Variants in ARID5B observed in about 807,000 individuals in gnomAD.
The protein encoded by ARID5B is AT-rich interactive domain-containing protein 5B.
In ARID5B, 13 loss-of-function variants were observed where a neutral mutation model predicts 97.2. That is an observed-to-expected ratio of 0.13 (90% CI 0.09 to 0.21). ARID5B has a LOEUF of 0.21. Ranked by LOEUF, ARID5B falls within the 10% of genes least tolerant of loss-of-function variation. The pLI is 1.00. For synonymous variants in ARID5B, 556 were observed against 570.3 expected (o/e 0.97, Z 0.36); for missense variants, 1,210 against 1,465.3 (o/e 0.83, Z 2.84).
chr10:61,947,261 CTTTT>C (rs199587188), intron 3 of ARID5B, among the ~76,000 whole-genome samples: 14 of 124,264 alleles, frequency 1.1e-4, no homozygotes, highest in South Asian at 3.1e-4. Context: ...CACTTACTTT[CTTTT>C]TTTTTTTTTT....
At chr10:61,943,123 T>G (rs1844441533) in intron 3 of ARID5B, among the ~76,000 whole-genome samples, 1 of 152,190 alleles carries the variant, frequency 6.6e-6, no homozygotes, top group Non-Finnish European at 1.5e-5. Flanking sequence ...AAACAAAAAC[T>G]TTCCTTAATG....
chr10:61,965,256 T>C (rs1034661463), intron 3 of ARID5B, among the ~76,000 whole-genome samples: 8 of 152,214 alleles, frequency 5.3e-5, no homozygotes, highest in African/African-American at 1.4e-4. Flanking sequence ...TTCAGAGTTA[T>C]ATATTTCAAA....
intron 4 of ARID5B, among the ~76,000 whole-genome samples, chr10:62,028,908 G>A (rs1315322011): frequency 2.0e-5 from 3 of 147,374 alleles, no homozygotes; most frequent in Non-Finnish European, 4.4e-5. Context: ...AGTGAGCTGA[G>A]ATCACGCCAC....
chr10:62,092,608 C>A lies in ARID5B; in HGVS notation c.3145C>A (p.Gln1049Lys). The A allele has an allele frequency of 6.2e-7, 1 of 1,614,194 alleles. No homozygotes were observed. The highest frequency in any genetic ancestry group is 8.5e-7 in the Non-Finnish European group (1 of 1,180,034). ...EVSGKEKASE[Q>K]ESEGSKAAHG... Reference sequence around the variant, plus strand: ...CTCTGGGAAGGAGAAGGCCTCTGAGCAGGAGAGTGAAGGCAGCAAAGCAGC... The same window carrying A: ...CTCTGGGAAGGAGAAGGCCTCTGAGAAGGAGAGTGAAGGCAGCAAAGCAGC... The change falls in exon 10 of 10, where the codon CAG (glutamine) becomes AAG (lysine). Residue 1049 changes from glutamine to lysine, a missense_variant. This residue lies in a region of ARID5B where 800 missense variants were observed against 839.1 expected (regional missense o/e 0.95). Coordinates refer to ENST00000279873, the MANE Select transcript of ARID5B (RefSeq NM_032199.3).
At chr10:62,079,599 T>A (rs1840183065) in intron 8 of ARID5B, among the ~76,000 whole-genome samples, 1 of 152,204 alleles carries the variant, frequency 6.6e-6, no homozygotes, top group Non-Finnish European at 1.5e-5. Context: ...ATCCTTGAGC[T>A]AACTCTCTCA....
intron 2 of ARID5B, among the ~76,000 whole-genome samples, chr10:61,910,090 G>T (rs1843776687): frequency 6.6e-6 from 1 of 152,166 alleles, no homozygotes; most frequent in African/African-American, 2.4e-5. Flanking sequence ...TAAGCCACAT[G>T]TTTGATAGTG....
At chr10:62,010,417 T>A (rs889445117) in intron 4 of ARID5B, among the ~76,000 whole-genome samples, 1 of 152,218 alleles carries the variant, frequency 6.6e-6, no homozygotes, top group Admixed American at 6.5e-5. Flanking sequence ...GACTCTAAGC[T>A]CCTTGAGGGG....
chr10:62,067,263 A>G (rs535095199), intron 7 of ARID5B, among the ~76,000 whole-genome samples: 2 of 152,192 alleles, frequency 1.3e-5, no homozygotes, highest in South Asian at 4.2e-4. Context: ...TTGTATTTTT[A>G]GTAGAGACGG....
chr10:61,982,615 A>G (rs1241574451), intron 3 of ARID5B, among the ~76,000 whole-genome samples: 1 of 152,226 alleles, frequency 6.6e-6, no homozygotes, highest in Non-Finnish European at 1.5e-5. Context: ...ACACTTATAA[A>G]AGAGCGTCCT....
intron 2 of ARID5B, among the ~76,000 whole-genome samples, chr10:61,913,278 T>C (rs995415088): frequency 6.6e-6 from 1 of 152,246 alleles, no homozygotes; most frequent in Non-Finnish European, 1.5e-5. Context: ...GTTTTAGGCA[T>C]GGCTAGCTTA....
chr10:61,907,863 C>T (rs778190166), intron 2 of ARID5B, among the ~76,000 whole-genome samples: 4 of 152,220 alleles, frequency 2.6e-5, no homozygotes, highest in Non-Finnish European at 2.9e-5. Flanking sequence ...GTTACCAGAT[C>T]GCTGACAAAG....
chr10:62,094,369 G>A lies in ARID5B; in HGVS notation c.*1339G>A, dbSNP rs969962391. ...GTTGGTTTCTTGTCATTCCCAAGAAGAATCTCCCAGGCCACATCTTTGGGG... is the reference window on the plus strand; with the variant it reads ...GTTGGTTTCTTGTCATTCCCAAGAAAAATCTCCCAGGCCACATCTTTGGGG... On this transcript the variant is annotated 3_prime_UTR_variant, in exon 10 of 10. Transcript: ENST00000279873. 4.3e-6 allele frequency: 1 copy of A among 230,028 alleles called. No homozygotes were observed. Among genetic ancestry groups the A allele is most frequent in the Non-Finnish European group, 8.6e-6 (1 of 116,154 alleles). 14.2% of individuals were successfully genotyped at this position (230,028 alleles called of 1,614,324 possible).
intron 2 of ARID5B, among the ~76,000 whole-genome samples, chr10:61,903,657 T>C (rs1843658529): frequency 6.6e-6 from 1 of 152,208 alleles, no homozygotes; most frequent in Non-Finnish European, 1.5e-5. Flanking sequence ...GATCTTTTTG[T>C]TAAATGAATG....
intron 2 of ARID5B, among the ~76,000 whole-genome samples, chr10:61,913,046 AG>A (rs1843836822): frequency 6.6e-6 from 1 of 152,318 alleles, no homozygotes; most frequent in Admixed American, 6.5e-5. Context: ...TGAATGTGAT[AG>A]GCTCAGGTTT....
chr10:62,003,003 C>A (rs1411040867), intron 4 of ARID5B, among the ~76,000 whole-genome samples: 1 of 152,186 alleles, frequency 6.6e-6, no homozygotes, highest in African/African-American at 2.4e-5. Flanking sequence ...AGCAGCTACA[C>A]CTTTGACACA....
intron 8 of ARID5B, among the ~76,000 whole-genome samples, chr10:62,083,806 T>C (rs1481827417): frequency 2.6e-5 from 4 of 152,144 alleles, no homozygotes; most frequent in Non-Finnish European, 4.4e-5. Flanking sequence ...CCTGCCAATA[T>C]TGAAGAGGAT....
At chr10:62,076,470 C>T (rs752020068) in intron 8 of ARID5B, among the ~76,000 whole-genome samples, 3 of 146,392 alleles carry the variant, frequency 2.0e-5, no homozygotes, top group Non-Finnish European at 4.5e-5. Flanking sequence ...GGATGAATCA[C>T]GGGATGGCTG....
intron 2 of ARID5B, among the ~76,000 whole-genome samples, chr10:61,935,140 G>T (rs1844277184): frequency 1.3e-5 from 2 of 152,090 alleles, no homozygotes; most frequent in Non-Finnish European, 2.9e-5. Context: ...TTGGAAAAAT[G>T]GGGCCGATAG....
At chr10:62,068,720 G>A (rs1463448645) in intron 7 of ARID5B, among the ~76,000 whole-genome samples, 1 of 151,980 alleles carries the variant, frequency 6.6e-6, no homozygotes, top group Non-Finnish European at 1.5e-5. Context: ...AAATGTTCAC[G>A]AGGGCCGCAG....
Sources: gnomAD v4.1 joint callset for allele counts (sites outside exome capture counted in the v4.1 genomes callset) on GRCh38, gnomAD v4.1.1 for gene constraint, gnomAD v4.1.1 regional missense constraint, MANE v1.5 for transcripts, NCBI Gene and HGNC (gene_info 2026-07-23, HGNC 2026-07-21) for gene names.